ANO6: variants seen among roughly 807,000 people sequenced by gnomAD.
ANO6 encodes the protein anoctamin-6.
ANO6 carries 106 observed loss-of-function variants against 117.5 expected under a neutral mutation model. The observed-to-expected ratio is 0.90, with a 90% confidence interval of 0.77 to 1.06. The LOEUF is 1.06. Among genes scored for constraint, ANO6 ranks in the 50% least tolerant of loss-of-function variants. The probability of loss-of-function intolerance (pLI) is 0.00; values close to 1 mark genes in which losing one functional copy is unlikely to be tolerated. For synonymous variants in ANO6, 367 were observed against 385.1 expected, an observed-to-expected ratio of 0.95 and a Z score of 0.55; for missense variants, 955 against 1,121.1, an observed-to-expected ratio of 0.85 and a Z score of 2.12.
intron 2 of ANO6, among the ~76,000 whole-genome samples, chr12:45,306,289 G>A (rs924646895): frequency 6.6e-6 from 1 of 152,122 alleles, no homozygotes; most frequent in African/African-American, 2.4e-5. Context: ...AACCGAGGAT[G>A]TTTTTCATTG....
chr12:45,371,297 A>G (rs1941826980), intron 9 of ANO6, among the ~76,000 whole-genome samples: 1 of 152,200 alleles, frequency 6.6e-6, no homozygotes, highest in Admixed American at 6.5e-5. Flanking sequence ...GGCGCCCGCC[A>G]TTGCCCAGGC....
At chr12:45,314,089 T>C (rs928900056) in intron 2 of ANO6, among the ~76,000 whole-genome samples, 1 of 151,920 alleles carries the variant, frequency 6.6e-6, no homozygotes, top group African/African-American at 2.4e-5. Flanking sequence ...TATAAGGCAG[T>C]GTGTACTGTT....
In ANO6 at chr12:45,296,946, AT is replaced by A. The variant is rs774234295; in HGVS notation, c.71-5059del. ...TTAATTTGTATTTATATAGTGCTTT[AT>A]TTTTTTTTAACAACATGCTTGTGAA... On this transcript the variant is annotated intron_variant, in intron 1 of 19. Coordinates refer to ENST00000320560, the MANE Select transcript of ANO6 (RefSeq NM_001025356.3). 3.6e-4 allele frequency among the ~76,000 whole-genome samples: 54 copies of A among 151,676 alleles called. 1 individual carries two copies. Among genetic ancestry groups the A allele is most frequent in the East Asian group, 2.5e-3 (13 of 5,174 alleles).
At chr12:45,297,542 G>A (rs1939335414) in intron 1 of ANO6, among the ~76,000 whole-genome samples, 1 of 152,170 alleles carries the variant, frequency 6.6e-6, no homozygotes, top group African/African-American at 2.4e-5. Context: ...TGGTAGACAA[G>A]TAATCATGTG....
At chr12:45,317,113 G>GTGTGTGTGTGTGTGTATA in intron 2 of ANO6, among the ~76,000 whole-genome samples, 5 of 66,482 alleles carry the variant, frequency 7.5e-5, no homozygotes, top group African/African-American at 2.1e-4. Context: ...CTTTTTATAT[G>GTGTGTGTGTGTGTGTATA]TATATATATA....
intron 7 of ANO6, 56 bp from the exon 8 acceptor site, chr12:45,357,234 T>C (rs1022393257): frequency 5.7e-6 from 9 of 1,577,520 alleles, no homozygotes; most frequent in East Asian, 2.2e-5. Context: ...AATATTAGGA[T>C]GAAGCTACGG....
At chr12:45,298,448 T>C (rs1216607391) in intron 1 of ANO6, among the ~76,000 whole-genome samples, 1 of 152,308 alleles carries the variant, frequency 6.6e-6, no homozygotes, top group Non-Finnish European at 1.5e-5. Context: ...GAAATGAACT[T>C]TTTCAGTTGT....
At chr12:45,328,151 T>G (rs1054024272) in intron 2 of ANO6, among the ~76,000 whole-genome samples, 1 of 152,120 alleles carries the variant, frequency 6.6e-6, no homozygotes, top group African/African-American at 2.4e-5. Flanking sequence ...CCACTGTGCT[T>G]CTTTGCTGTC....
At chr12:45,333,962 C>T (rs943772205) in intron 3 of ANO6, among the ~76,000 whole-genome samples, 11 of 152,008 alleles carry the variant, frequency 7.2e-5, no homozygotes, top group African/African-American at 2.7e-4. Flanking sequence ...TTGTTAAACA[C>T]TTTATAGGGC....
chr12:45,311,029 G>A (rs1939832680), intron 2 of ANO6, among the ~76,000 whole-genome samples: 1 of 151,898 alleles, frequency 6.6e-6, no homozygotes, highest in South Asian at 2.1e-4. Flanking sequence ...TTTCAATGGA[G>A]GTTGTTAGAT....
At chr12:45,307,239 A>T (rs1335381324) in intron 2 of ANO6, among the ~76,000 whole-genome samples, 1 of 152,084 alleles carries the variant, frequency 6.6e-6, no homozygotes, top group African/African-American at 2.4e-5. Flanking sequence ...TAGATTATGG[A>T]GGAGCAGAGC....
intron 7 of ANO6, among the ~76,000 whole-genome samples, chr12:45,354,067 C>G (rs573782626): frequency 6.6e-6 from 1 of 152,074 alleles, no homozygotes; most frequent in South Asian, 2.1e-4. Context: ...GGGAAGAAAT[C>G]TGAGAAGTAC....
intron 17 of ANO6, 78 bp from the exon 18 acceptor site, chr12:45,420,993 T>C (rs1943345353): frequency 6.7e-7 from 1 of 1,482,900 alleles, no homozygotes; most frequent in Non-Finnish European, 9.4e-7. Flanking sequence ...CCATGCAGCC[T>C]GGGCAGCAAG....
chr12:45,377,055 A>G (rs1244143509), intron 9 of ANO6, among the ~76,000 whole-genome samples: 2 of 152,014 alleles, frequency 1.3e-5, no homozygotes, highest in Admixed American at 6.6e-5. Context: ...TCCACTTTAC[A>G]TGAGTATGAA....
chr12:45,265,780 G>T (rs987574986), intron 1 of ANO6, among the ~76,000 whole-genome samples: 9 of 152,154 alleles, frequency 5.9e-5, no homozygotes, highest in Non-Finnish European at 1.3e-4. Flanking sequence ...GTACCTGCAG[G>T]TTGGCTCCAA....
intron 8 of ANO6, among the ~76,000 whole-genome samples, chr12:45,358,413 G>A (rs2137478173): frequency 6.6e-6 from 1 of 152,160 alleles, no homozygotes; most frequent in South Asian, 2.1e-4. Flanking sequence ...AAGGCTGAAT[G>A]TTGTTACCTT....
Position 45,293,729 on chromosome 12 carries a change from G to GTTTTTT in ANO6, c.71-8263_71-8258dup, listed in dbSNP as rs138396024. Among the ~76,000 whole-genome samples, 310 of 48,368 alleles carry GTTTTTT rather than the reference G, an allele frequency of 6.4e-3. 1 individual carries two copies. Among genetic ancestry groups the GTTTTTT allele is most frequent in the Admixed American group, 7.3e-3 (21 of 2,892 alleles). The allele number at this position is 48,368 out of a possible 152,430, so 31.7% of individuals were successfully genotyped here. On this transcript the variant is annotated intron_variant, in intron 1 of 19. Coordinates refer to ENST00000320560, the MANE Select transcript of ANO6 (RefSeq NM_001025356.3). ...GTGCCTGCCACCATGCCTGGCTAAT[G>GTTTTTT]TTTTTTTTTTTTTTTTTTTTTTTTT...
At chr12:45,285,058 A>C (rs1175627960) in intron 1 of ANO6, among the ~76,000 whole-genome samples, 1 of 152,254 alleles carries the variant, frequency 6.6e-6, no homozygotes, top group Non-Finnish European at 1.5e-5. Flanking sequence ...GTAAGATCTC[A>C]ACTAAAGAAC....
chr12:45,293,715 C>T lies in ANO6; in HGVS notation c.71-8299C>T, dbSNP rs1292878953. 2.8e-5 allele frequency among the ~76,000 whole-genome samples: 4 copies of T among 141,076 alleles called. No individual in the cohort carries two copies. The East Asian group carries it at 8.2e-4, about 29-fold the overall frequency. 92.6% of individuals were successfully genotyped at this position (141,076 alleles called of 152,430 possible). A position where few individuals can be genotyped will look rare whatever the true frequency, so the allele number is the denominator to read the frequency against. ...AGCTGGGACTACAGGTGCCTGCCAC[C>T]ATGCCTGGCTAATGTTTTTTTTTTT... On this transcript the variant is annotated intron_variant, in intron 1 of 19. Coordinates refer to ENST00000320560, the MANE Select transcript of ANO6 (RefSeq NM_001025356.3).
Sources: gnomAD v4.1 joint callset for allele counts (sites outside exome capture counted in the v4.1 genomes callset) on GRCh38, gnomAD v4.1.1 for gene constraint, MANE v1.5 for transcripts, NCBI Gene and HGNC (gene_info 2026-07-23, HGNC 2026-07-21) for gene names.